The following PTPRR variants were observed in gnomAD, a reference collection of about 807,000 sequenced individuals.
The protein encoded by PTPRR is protein tyrosine phosphatase receptor type R.
In PTPRR, 38 loss-of-function variants were observed where a neutral mutation model predicts 77.2. That is an observed-to-expected ratio of 0.49 (90% CI 0.38 to 0.65). PTPRR has a LOEUF of 0.65. Ranked by LOEUF, PTPRR falls within the 30% of genes least tolerant of loss-of-function variation. The pLI is 0.00. For missense variants in PTPRR, 744 were observed against 799.2 expected, an observed-to-expected ratio of 0.93 and a Z score of 0.83; for synonymous variants, 299 against 283.1, an observed-to-expected ratio of 1.06 and a Z score of -0.57.
chr12:70,817,978 C>G (rs1462368117), intron 2 of PTPRR, among the ~76,000 whole-genome samples: 1 of 152,086 alleles, frequency 6.6e-6, no homozygotes, highest in African/African-American at 2.4e-5. Flanking sequence ...GTTTGGGAGG[C>G]CGAGGAGGTC....
rs775442224 is a variant in PTPRR at position 70,662,510 on chromosome 12, T to C, written c.1593A>G (p.Arg531=). The part of the protein sequence containing the change: ...SVNECDNYTI[R]NLVLKQGSHT... ...ATAATCTTACCTTTAAGACAAGGTT[T>C]CGAATGGTGTAGTTATCACATTCAT... The change falls in exon 11 of 14, where the codon CGA becomes CGG. Residue 531 remains arginine (R), a synonymous_variant. Transcript: ENST00000283228. 2.5e-6 allele frequency: 4 copies of C among 1,598,764 alleles called. No individual in the cohort carries two copies. In the Admixed American group the frequency reaches 6.8e-5, roughly 27 times the overall value.
chr12:70,826,456 T>G (rs1892111071), intron 2 of PTPRR, among the ~76,000 whole-genome samples: 1 of 152,154 alleles, frequency 6.6e-6, no homozygotes, highest in African/African-American at 2.4e-5. Flanking sequence ...TTCTGGGAAC[T>G]CCTTGAAATT....
At position 70,660,960 on chromosome 12, in the gene PTPRR, C is replaced by T. The variant is rs778102833; in HGVS notation, c.1746G>A (p.Gly582=). The T allele has an allele frequency of 1.2e-6, 2 of 1,613,496 alleles. No individual in the cohort carries two copies. Among genetic ancestry groups the T allele is most frequent in the Non-Finnish European group, 1.7e-6 (2 of 1,179,724 alleles). Residue 582 remains glycine (G), a synonymous_variant, in exon 12 of 14, where the codon GGG becomes GGA. Coordinates refer to ENST00000283228, the MANE Select transcript of PTPRR (RefSeq NM_002849.4). ...EEDRLASQGR[G]PVVVHCSAGI... ...CTTACCTGCAGTGGACAACCACAGG[C>T]CCTCGGCCCTGGGAAGCAAGTCTGT...
At chr12:70,901,384 G>A (rs1321282216) in intron 1 of PTPRR, among the ~76,000 whole-genome samples, 3 of 151,406 alleles carry the variant, frequency 2.0e-5, no homozygotes, top group Non-Finnish European at 4.4e-5. Flanking sequence ...ATGGGTAAAA[G>A]AGCATGGTAC....
In PTPRR at chr12:70,764,733, T is replaced by G. The variant is rs761663556; in HGVS notation, c.403A>C (p.Ile135Leu). 133 of 1,614,008 alleles carry G rather than the reference T, an allele frequency of 8.2e-5. No homozygotes were observed. Among genetic ancestry groups the G allele is most frequent in the Middle Eastern group, 3.3e-4 (2 of 6,084 alleles). Residue 135 changes from isoleucine to leucine, a missense_variant, in exon 3 of 14, where the codon ATC becomes CTC. By Grantham distance (5) the Ile-to-Leu change is conservative. This residue lies in a region of PTPRR where 570 missense variants were observed against 573.2 expected (regional missense o/e 0.99). Transcript: ENST00000283228. ...VNKLNITLLR[I>L]FRQGVAAALG... ...GCTGCAGCCACTCCTTGGCGGAAGA[T>G]CCGAAGCAAGGTTATGTTCAGCTTG...
chr12:70,908,447 C>T (rs1301526455), intron 1 of PTPRR, among the ~76,000 whole-genome samples: 2 of 152,104 alleles, frequency 1.3e-5, no homozygotes, highest in East Asian at 3.9e-4. Context: ...CAAACACATC[C>T]CTCTTCACAT....
chr12:70,847,383 G>C (rs548119853), intron 2 of PTPRR, among the ~76,000 whole-genome samples: 31 of 152,134 alleles, frequency 2.0e-4, no homozygotes, highest in Non-Finnish European at 2.6e-4. Flanking sequence ...CTCTCTAAAA[G>C]CCAATAGAAA....
intron 4 of PTPRR, among the ~76,000 whole-genome samples, chr12:70,755,367 T>G (rs1235488494): frequency 6.6e-6 from 1 of 152,148 alleles, no homozygotes; most frequent in Non-Finnish European, 1.5e-5. Context: ...AACTTTGAAA[T>G]CATTGCTAAT....
intron 2 of PTPRR, among the ~76,000 whole-genome samples, chr12:70,848,019 T>A (rs1892513288): frequency 6.6e-6 from 1 of 152,222 alleles, no homozygotes; most frequent in African/African-American, 2.4e-5. Flanking sequence ...ATGATAATAA[T>A]CTACTATTGC....
intron 2 of PTPRR, among the ~76,000 whole-genome samples, chr12:70,883,345 T>A (rs761082380): frequency 1.5e-4 from 23 of 152,204 alleles, no homozygotes; most frequent in Non-Finnish European, 3.2e-4. Context: ...TTTGAGCCAC[T>A]GTATTATGCT....
intron 4 of PTPRR, among the ~76,000 whole-genome samples, chr12:70,757,721 T>A (rs183031316): frequency 2.6e-5 from 4 of 152,178 alleles, no homozygotes; most frequent in Non-Finnish European, 5.9e-5. Flanking sequence ...TCATTCACGA[T>A]GTTCTATAAT....
At chr12:70,893,675 T>C (rs1160755180) in intron 1 of PTPRR, among the ~76,000 whole-genome samples, 1 of 151,960 alleles carries the variant, frequency 6.6e-6, no homozygotes, top group East Asian at 1.9e-4. Flanking sequence ...CCTTCCTTTC[T>C]ACATTTCCTC....
chr12:70,647,493 A>C (rs1345879219), intron 13 of PTPRR, among the ~76,000 whole-genome samples: 1 of 152,252 alleles, frequency 6.6e-6, no homozygotes, highest in African/African-American at 2.4e-5. Flanking sequence ...CTCATGCTAA[A>C]TGTGTAAATG....
chr12:70,902,035 A>G (rs2137127432), intron 1 of PTPRR, among the ~76,000 whole-genome samples: 1 of 151,570 alleles, frequency 6.6e-6, no homozygotes, highest in East Asian at 1.9e-4. Context: ...AAAAGAAGGT[A>G]TACAAATGGC....
intron 2 of PTPRR, among the ~76,000 whole-genome samples, chr12:70,813,645 A>G (rs1373349292): frequency 2.0e-5 from 3 of 152,322 alleles, no homozygotes; most frequent in African/African-American, 7.2e-5. Context: ...CAGGCAGCAC[A>G]GGACAGTGAT....
chr12:70,649,830 C>T (rs1886330759), intron 13 of PTPRR, among the ~76,000 whole-genome samples: 1 of 152,148 alleles, frequency 6.6e-6, no homozygotes, highest in Admixed American at 6.5e-5. Context: ...CTGCCTCATC[C>T]TCCCAAAGTC....
chr12:70,695,018 A>G (rs1888183074), intron 8 of PTPRR, among the ~76,000 whole-genome samples: 1 of 152,192 alleles, frequency 6.6e-6, no homozygotes, highest in South Asian at 2.1e-4. Flanking sequence ...ATAATTTGAT[A>G]TAAACTTGAC....
chr12:70,656,333 C>T (rs1253636900), intron 13 of PTPRR, among the ~76,000 whole-genome samples: 1 of 152,134 alleles, frequency 6.6e-6, no homozygotes, highest in Admixed American at 6.5e-5. Context: ...AGTTGAAGAA[C>T]AACCTGAGTA....
intron 9 of PTPRR, 41 bp downstream of exon 9, chr12:70,684,663 A>G (rs758901029): frequency 1.5e-6 from 2 of 1,336,494 alleles, no homozygotes; most frequent in South Asian, 2.6e-5. Flanking sequence ...ACAATTCCAA[A>G]TAGGAAGTCA....
Sources: gnomAD v4.1 joint callset for allele counts (sites outside exome capture counted in the v4.1 genomes callset) on GRCh38, gnomAD v4.1.1 for gene constraint, gnomAD v4.1.1 regional missense constraint, MANE v1.5 for transcripts, NCBI Gene and HGNC (gene_info 2026-07-23, HGNC 2026-07-21) for gene names.